Variants in SMOC2 observed in about 807,000 individuals in gnomAD.
The protein encoded by SMOC2 is SPARC-related modular calcium-binding protein 2.
SMOC2 carries 39 observed loss-of-function variants against 61.4 expected under a neutral mutation model. The observed-to-expected ratio is 0.64, with a 90% CI of 0.49 to 0.83. SMOC2 has a LOEUF of 0.83. Among genes scored for constraint, SMOC2 ranks in the 40% least tolerant of loss-of-function variants. SMOC2 has a pLI of 0.00. For synonymous variants in SMOC2, 247 were observed against 239.9 expected (o/e 1.03, Z -0.27); for missense variants, 556 against 592.9 (o/e 0.94, Z 0.65).
At chr6:168,518,906 TG>T (rs1783236823) in intron 2 of SMOC2, among the ~76,000 whole-genome samples, 1 of 150,798 alleles carries the variant, frequency 6.6e-6, no homozygotes, top group South Asian at 2.1e-4. Flanking sequence ...TGTGCGTGCA[TG>T]TGTGAGTGAG....
intron 4 of SMOC2, among the ~76,000 whole-genome samples, chr6:168,536,654 C>T (rs1353180198): frequency 2.0e-5 from 3 of 152,158 alleles, no homozygotes; most frequent in South Asian, 2.1e-4. Context: ...AAGCCTCCCC[C>T]GGACTCAGTG....
intron 11 of SMOC2, among the ~76,000 whole-genome samples, chr6:168,658,095 TGATGGGGA>T (rs1314397946): frequency 6.6e-6 from 1 of 152,184 alleles, no homozygotes; most frequent in African/African-American, 2.4e-5. Flanking sequence ...CCTGGGGGAC[TGATGGGGA>T]GATGGAGAGC....
At chr6:168,591,617 TATA>T (rs1015778735) in intron 7 of SMOC2, among the ~76,000 whole-genome samples, 8 of 148,952 alleles carry the variant, frequency 5.4e-5, no homozygotes, top group South Asian at 2.1e-4. Context: ...ATATTGTTAA[TATA>T]ATATATAATT....
chr6:168,626,315 GA>G (rs1212075987), intron 9 of SMOC2, among the ~76,000 whole-genome samples: 2 of 152,192 alleles, frequency 1.3e-5, no homozygotes, highest in African/African-American at 2.4e-5. Context: ...AAAGAAGGTG[GA>G]AAAATCTGAA....
Position 168,526,458 on chromosome 6 carries a change from C to T in SMOC2, c.363+6C>T, listed in dbSNP as rs199848970. The T allele has an allele frequency of 1.9e-5, 31 of 1,612,714 alleles. No homozygotes were observed. Among genetic ancestry groups the T allele is most frequent in the East Asian group, 1.3e-4 (6 of 44,880 alleles). On this transcript the variant is annotated splice_donor_region_variant and intron_variant, in intron 3 of 12. Coordinates refer to ENST00000356284, the MANE Select transcript of SMOC2 (RefSeq NM_001166412.2). Reference sequence around the variant, plus strand: ...ACGACGGCACCTACAGTCAGGTTACCGGCCTTGCTTGGGAGGTTCTGCACC... The same window carrying T: ...ACGACGGCACCTACAGTCAGGTTACTGGCCTTGCTTGGGAGGTTCTGCACC...
chr6:168,483,644 A>C (rs1414015668), intron 1 of SMOC2, among the ~76,000 whole-genome samples: 1 of 152,152 alleles, frequency 6.6e-6, no homozygotes, highest in African/African-American at 2.4e-5. Context: ...TGACTAGACA[A>C]AATAATTTTT....
chr6:168,551,418 CTTTATTTTATTTA>C (rs1784125070), intron 7 of SMOC2, among the ~76,000 whole-genome samples: 1 of 147,666 alleles, frequency 6.8e-6, no homozygotes, highest in East Asian at 2.0e-4. Flanking sequence ...TGGAAATATA[CTTTATTTTATTTA>C]TTTATTTATT....
chr6:168,600,430 AAAAC>A (rs1785518269), intron 8 of SMOC2, among the ~76,000 whole-genome samples: 2 of 55,212 alleles, frequency 3.6e-5, no homozygotes, highest in African/African-American at 5.9e-5. Flanking sequence ...AACAAAAAAA[AAAAC>A]AAAAAAAAAA....
At chr6:168,620,963 G>A (rs1235293675) in intron 9 of SMOC2, among the ~76,000 whole-genome samples, 3 of 149,800 alleles carry the variant, frequency 2.0e-5, no homozygotes, top group Admixed American at 6.6e-5. Context: ...GGACACCCTG[G>A]ATGACCAACC....
rs193253919 is a variant in SMOC2, at chr6:168,474,045, G to A, written c.84+32591G>A. ...ACCCATTCGCCTCTCCACTCTCCAC[G>A]CAGGCTTGTGTGAGGGCTCAGTGTA... On this transcript the variant is annotated intron_variant, in intron 1 of 12. Coordinates refer to ENST00000356284, the MANE Select transcript of SMOC2 (RefSeq NM_001166412.2). Among the ~76,000 whole-genome samples the A allele has an allele frequency of 3.3e-5, 5 of 152,180 alleles. No homozygotes were observed. In the East Asian group the frequency reaches 5.8e-4, roughly 18 times the overall value.
chr6:168,660,516 C>G (rs902541931), intron 11 of SMOC2, among the ~76,000 whole-genome samples: 2 of 152,218 alleles, frequency 1.3e-5, no homozygotes, highest in African/African-American at 4.8e-5. Context: ...CCATGGGTCA[C>G]GCTTCATGCA....
chr6:168,664,031 TGA>T (rs1382180854), intron 11 of SMOC2, 41 bp from the exon 12 acceptor site: 30 of 1,526,028 alleles, frequency 2.0e-5, no homozygotes, highest in Non-Finnish European at 2.7e-5. Flanking sequence ...CATTAAATAA[TGA>T]GTCTCTGATT....
intron 7 of SMOC2, among the ~76,000 whole-genome samples, chr6:168,552,434 T>A (rs1014782491): frequency 7.1e-6 from 1 of 140,812 alleles, no homozygotes; most frequent in African/African-American, 2.5e-5. Context: ...CCTGTTTTTT[T>A]ATTAAAAAGG....
chr6:168,583,819 T>C (rs1470160450), intron 7 of SMOC2, among the ~76,000 whole-genome samples: 1 of 152,170 alleles, frequency 6.6e-6, no homozygotes, highest in East Asian at 1.9e-4. Context: ...CAGTCTGTTC[T>C]TCCTGGAATA....
At chr6:168,664,933 G>A in intron 12 of SMOC2, 1 of 410,838 alleles carries the variant, frequency 2.4e-6, no homozygotes, top group Non-Finnish European at 5.0e-6. Context: ...ATTTCCTAAG[G>A]CAAGCCCCTG....
At chr6:168,500,301 AAAAAG>A (rs1369525325) in intron 1 of SMOC2, among the ~76,000 whole-genome samples, 6 of 151,730 alleles carry the variant, frequency 4.0e-5, no homozygotes, top group East Asian at 1.9e-4. Context: ...AAAAAAAAAA[AAAAAG>A]AAGAAGAAAA....
chr6:168,566,676 G>A (rs1295359542), intron 7 of SMOC2, among the ~76,000 whole-genome samples: 2 of 151,780 alleles, frequency 1.3e-5, no homozygotes, highest in Non-Finnish European at 2.9e-5. Flanking sequence ...AGCATTTAGT[G>A]GAGAGTAGAG....
At position 168,459,396 on chromosome 6, in the gene SMOC2, C is replaced by T. The variant is rs563352196; in HGVS notation, c.84+17942C>T. 1.2e-3 allele frequency among the ~76,000 whole-genome samples: 176 copies of T among 152,264 alleles called. 2 individuals are homozygous for T. The highest frequency in any genetic ancestry group is 7.1e-4 in the Non-Finnish European group (48 of 68,020). ...GACAAGCTGGAAAGGGGGCGTTTGC[C>T]GCATCGGGAAGGGTATTCTCCGGTT... On this transcript the variant is annotated intron_variant, in intron 1 of 12. Transcript: ENST00000356284.
At chr6:168,627,605 G>A (rs1299603479) in intron 9 of SMOC2, among the ~76,000 whole-genome samples, 1 of 152,114 alleles carries the variant, frequency 6.6e-6, no homozygotes, top group Admixed American at 6.5e-5. Context: ...TCCATTCAAT[G>A]GAGTGATATA....
Sources: allele counts gnomAD v4.1 joint callset (sites outside exome capture counted in the v4.1 genomes callset), GRCh38; gene constraint gnomAD v4.1.1; transcripts MANE v1.5; gene names NCBI Gene and HGNC (gene_info 2026-07-23, HGNC 2026-07-21).